NUCB2: variants seen among roughly 807,000 people sequenced by gnomAD.
The protein encoded by NUCB2 is nucleobindin-2.
A neutral mutation model predicts 57.9 loss-of-function variants in NUCB2; 48 were observed. The ratio of observed to expected loss-of-function variants is 0.83; its 90% CI spans 0.66 to 1.05. The LOEUF (loss-of-function observed/expected upper bound fraction) is 1.05, where lower values mean the gene tolerates loss of function less well. Ranked by LOEUF, NUCB2 falls within the 50% of genes least tolerant of loss-of-function variation. The pLI is 0.00. For missense variants in NUCB2, 442 were observed against 476.2 expected (o/e 0.93, Z 0.67); for synonymous variants, 139 against 152.1 (o/e 0.91, Z 0.64).
At chr11:17,329,429 C>T (rs1016587423) in intron 11 of NUCB2, among the ~76,000 whole-genome samples, 6 of 152,326 alleles carry the variant, frequency 3.9e-5, no homozygotes, top group South Asian at 2.1e-4. Context: ...CACTTCAGCC[C>T]GCATGGTGAG....
At chr11:17,298,498 T>A (rs558416546) in intron 4 of NUCB2, among the ~76,000 whole-genome samples, 1 of 151,318 alleles carries the variant, frequency 6.6e-6, no homozygotes, top group African/African-American at 2.4e-5. Flanking sequence ...AGCCCAGGAG[T>A]TTGAGGTTGC....
intron 2 of NUCB2, among the ~76,000 whole-genome samples, chr11:17,346,227 G>A (rs1370554284): frequency 6.6e-6 from 1 of 152,178 alleles, no homozygotes; most frequent in Non-Finnish European, 1.5e-5. Context: ...CCTGCTTCAA[G>A]TCTTCCAGTG....
At chr11:17,282,107 T>C (rs1942695613) in intron 1 of NUCB2, among the ~76,000 whole-genome samples, 1 of 151,594 alleles carries the variant, frequency 6.6e-6, no homozygotes, top group South Asian at 2.1e-4. Flanking sequence ...GTCTCATTGC[T>C]GAAAAAAATA....
intron 5 of NUCB2, among the ~76,000 whole-genome samples, chr11:17,307,519 T>A (rs1217103339): frequency 6.6e-6 from 1 of 152,224 alleles, no homozygotes; most frequent in Non-Finnish European, 1.5e-5. Context: ...CCCTTTCTTT[T>A]TATGCAAAAG....
intron 5 of NUCB2, among the ~76,000 whole-genome samples, chr11:17,304,829 A>T (rs1947351712): frequency 1.3e-5 from 2 of 152,194 alleles, no homozygotes; most frequent in South Asian, 4.1e-4. Flanking sequence ...ACAGACAAAA[A>T]CTTTAAAATA....
chr11:17,322,181 G>A (rs943592208), intron 11 of NUCB2, among the ~76,000 whole-genome samples: 1 of 152,072 alleles, frequency 6.6e-6, no homozygotes, highest in Non-Finnish European at 1.5e-5. Context: ...TCAATGTTCT[G>A]GAGAGTTTCC....
At chr11:17,283,766 G>A (rs1943136112) in intron 2 of NUCB2, among the ~76,000 whole-genome samples, 1 of 152,344 alleles carries the variant, frequency 6.6e-6, no homozygotes, top group African/African-American at 2.4e-5. Flanking sequence ...TAAAATGACA[G>A]AGATAAGTTA....
intron 11 of NUCB2, among the ~76,000 whole-genome samples, chr11:17,322,722 A>T (rs1950178667): frequency 6.6e-6 from 1 of 152,004 alleles, no homozygotes; most frequent in African/African-American, 2.4e-5. Flanking sequence ...TTGAACATAG[A>T]ATATCTTTCC....
At chr11:17,307,594 G>T (rs1947875847) in intron 5 of NUCB2, among the ~76,000 whole-genome samples, 1 of 152,106 alleles carries the variant, frequency 6.6e-6, no homozygotes, top group East Asian at 1.9e-4. Context: ...TTCTGTATTA[G>T]TACATAGAGA....
chr11:17,315,596 A>G, intron 11 of NUCB2, 121 bp downstream of exon 11: 1 of 476,172 alleles, frequency 2.1e-6, no homozygotes, highest in Non-Finnish European at 3.7e-6. Flanking sequence ...TGGGATTTTT[A>G]TATAAATGTC....
In NUCB2 at chr11:17,331,414, A is replaced by C. The variant is rs763485813; in HGVS notation, c.1258A>C (p.Ile420Leu). ...AACTTTTTTCTTTTTTCCAACAGAC[A>C]TTTAAAGTCTGAAGTCCACCAGAAC... Reference protein sequence around the residue: ...PAGELKFEPHI With the variant: ...PAGELKFEPHL Residue 420 changes from isoleucine to leucine, a missense_variant and splice_region_variant, in exon 14 of 14, where the codon ATT becomes CTT. By Grantham distance (5) the Ile-to-Leu change is conservative. Coordinates refer to ENST00000529010, the MANE Select transcript of NUCB2 (RefSeq NM_005013.4). 14 of 1,444,096 alleles carry C rather than the reference A, an allele frequency of 9.7e-6. No homozygotes were observed. Among genetic ancestry groups the C allele is most frequent in the Non-Finnish European group, 1.3e-5 (14 of 1,092,080 alleles). The allele number at this position is 1,444,096 out of a possible 1,614,324, so 89.5% of individuals were successfully genotyped here. A position where few individuals can be genotyped will look rare whatever the true frequency, so the allele number is the denominator to read the frequency against.
intron 4 of NUCB2, among the ~76,000 whole-genome samples, chr11:17,301,192 C>G (rs186172965): frequency 6.6e-6 from 1 of 150,776 alleles, no homozygotes; most frequent in Non-Finnish European, 1.5e-5. Context: ...GGGCTGGTCT[C>G]GAACTCCTGA....
chr11:17,328,284 G>A (rs1428659514), intron 11 of NUCB2, among the ~76,000 whole-genome samples: 2 of 152,220 alleles, frequency 1.3e-5, no homozygotes, highest in Non-Finnish European at 2.9e-5. Flanking sequence ...AACTGGAGGT[G>A]TGGTGATGCA....
At chr11:17,344,027 T>C (rs1952513882) in intron 2 of NUCB2, among the ~76,000 whole-genome samples, 1 of 152,202 alleles carries the variant, frequency 6.6e-6, no homozygotes, top group Non-Finnish European at 1.5e-5. Context: ...AGGCAGGCCC[T>C]CATTCCTGGT....
chr11:17,348,223 C>T (rs1014546760), intron 2 of NUCB2, among the ~76,000 whole-genome samples: 2 of 151,728 alleles, frequency 1.3e-5, no homozygotes, highest in African/African-American at 4.8e-5. Flanking sequence ...GGTGAGCCAC[C>T]ATGCCTGGCC....
Position 17,301,272 on chromosome 11 carries a change from CTTTT to C in NUCB2, c.253-452_253-449del, listed in dbSNP as rs397848120. Among the ~76,000 whole-genome samples the C allele has an allele frequency of 1.9e-4, 14 of 73,268 alleles. No homozygotes were observed. In the East Asian group the frequency reaches 4.2e-3, roughly 22 times the overall value. The allele number at this position is 73,268 out of a possible 152,430, so 48.1% of individuals were successfully genotyped here. On this transcript the variant is annotated intron_variant, in intron 4 of 13. Coordinates refer to ENST00000529010, the MANE Select transcript of NUCB2 (RefSeq NM_005013.4). Reference sequence around the variant, plus strand: ...ACAGGCGTGAGCCACCGCGCCTGGCCTTTTTTTTTTTTTTTTTTTTTTTGAGACA... The same window carrying C: ...ACAGGCGTGAGCCACCGCGCCTGGCCTTTTTTTTTTTTTTTTTTTGAGACA...
chr11:17,323,096 AGC>A (rs1950233355), intron 11 of NUCB2, among the ~76,000 whole-genome samples: 5 of 152,028 alleles, frequency 3.3e-5, no homozygotes, highest in Non-Finnish European at 5.9e-5. Context: ...TTATTGATCT[AGC>A]TGGGACTTCC....
chr11:17,349,262 T>C (rs1217181222), intron 2 of NUCB2: 3 of 152,254 alleles, frequency 2.0e-5, no homozygotes, highest in Non-Finnish European at 4.4e-5. Flanking sequence ...TACTCATTTG[T>C]AGTGATTAGG....
At chr11:17,288,882 T>TACAC (rs1167995024) in intron 2 of NUCB2, among the ~76,000 whole-genome samples, 1,290 of 44,360 alleles carry the variant, frequency 0.029, 48 homozygotes, top group Middle Eastern at 0.054. Flanking sequence ...AACATGTATA[T>TACAC]ACACACACAC....
Sources: allele counts gnomAD v4.1 joint callset (sites outside exome capture counted in the v4.1 genomes callset), GRCh38; gene constraint gnomAD v4.1.1; transcripts MANE v1.5; gene names NCBI Gene and HGNC (gene_info 2026-07-23, HGNC 2026-07-21).